Variants in CTNNA2 observed in about 807,000 individuals in gnomAD.
CTNNA2 encodes the protein catenin alpha-2.
CTNNA2 carries 42 observed loss-of-function variants against 101.0 expected under a neutral mutation model. That is an observed-to-expected ratio of 0.42 (90% CI 0.32 to 0.54). The LOEUF (loss-of-function observed/expected upper bound fraction) is 0.54. CTNNA2 is among the 20% of genes least tolerant of loss of function. The pLI, the probability that CTNNA2 is intolerant of heterozygous loss-of-function variation, is 0.14. For synonymous variants in CTNNA2, 450 were observed against 456.4 expected (o/e 0.99, Z 0.18); for missense variants, 871 against 1,223.1 (o/e 0.71, Z 4.29).
chr2:79,766,346 A>G (rs1673154431), intron 3 of CTNNA2, among the ~76,000 whole-genome samples: 1 of 152,232 alleles, frequency 6.6e-6, no homozygotes, highest in Non-Finnish European at 1.5e-5. Flanking sequence ...TAAACATGCC[A>G]TGCCAGTCTC....
At chr2:79,538,617 A>G (rs113474618) in intron 1 of CTNNA2, among the ~76,000 whole-genome samples, 103 of 152,286 alleles carry the variant, frequency 6.8e-4, no homozygotes, top group African/African-American at 2.1e-3. Context: ...GTAACATTCT[A>G]TGGGAATGGA....
At chr2:79,524,095 A>G (rs1672266558) in intron 1 of CTNNA2, among the ~76,000 whole-genome samples, 1 of 152,084 alleles carries the variant, frequency 6.6e-6, no homozygotes, top group South Asian at 2.1e-4. Flanking sequence ...TTTTCAGAAG[A>G]ATATGATAAT....
chr2:79,411,757 G>C (rs551355124), intron 4 of CTNNA2, among the ~76,000 whole-genome samples: 2 of 152,068 alleles, frequency 1.3e-5, no homozygotes, highest in African/African-American at 2.4e-5. Flanking sequence ...ACTAAACATG[G>C]AAAGGAACAA....
chr2:79,366,439 T>C (rs1231529724), intron 3 of CTNNA2, among the ~76,000 whole-genome samples: 3 of 152,172 alleles, frequency 2.0e-5, no homozygotes, highest in Non-Finnish European at 2.9e-5. Context: ...TTTTCCTAAT[T>C]ATGTTCTCTT....
At chr2:79,561,565 T>C (rs1674783678) in intron 1 of CTNNA2, among the ~76,000 whole-genome samples, 1 of 151,972 alleles carries the variant, frequency 6.6e-6, no homozygotes. Context: ...GTATGAAGAT[T>C]CCAGTTTCTC....
chr2:80,500,690 C>G (rs953808329), intron 9 of CTNNA2, among the ~76,000 whole-genome samples: 2 of 152,138 alleles, frequency 1.3e-5, no homozygotes, highest in Admixed American at 1.3e-4. Flanking sequence ...CTCTCCCTCC[C>G]CCTCTTGCTG....
At chr2:80,191,636 G>C (rs1008044087) in intron 7 of CTNNA2, among the ~76,000 whole-genome samples, 1 of 152,184 alleles carries the variant, frequency 6.6e-6, no homozygotes, top group African/African-American at 2.4e-5. Flanking sequence ...AGTTGAGACT[G>C]AGAGAGCAAG....
chr2:80,108,166 A>G (rs1050773897), intron 7 of CTNNA2, among the ~76,000 whole-genome samples: 1 of 152,202 alleles, frequency 6.6e-6, no homozygotes, highest in Non-Finnish European at 1.5e-5. Context: ...TGAAACATCT[A>G]GTAGTGGAAT....
intron 7 of CTNNA2, among the ~76,000 whole-genome samples, chr2:80,322,297 T>A (rs563792483): frequency 3.2e-3 from 489 of 152,292 alleles, no homozygotes; most frequent in Non-Finnish European, 5.2e-3. Context: ...GTGTCTTCCC[T>A]AAGCCCCTCA....
At chr2:80,014,071 C>T (rs1018532505) in intron 7 of CTNNA2, among the ~76,000 whole-genome samples, 1 of 152,092 alleles carries the variant, frequency 6.6e-6, no homozygotes, top group Admixed American at 6.6e-5. Context: ...TAGAAGACAG[C>T]AATATTTATC....
chr2:79,904,462 G>A (rs72918652), intron 6 of CTNNA2, among the ~76,000 whole-genome samples: 1,548 of 152,158 alleles, frequency 0.01, 37 homozygotes, highest in African/African-American at 0.034. Flanking sequence ...TTAAATTTTC[G>A]TTTTAAAGTA....
intron 2 of CTNNA2, among the ~76,000 whole-genome samples, chr2:79,279,322 C>T (rs1174883284): frequency 6.6e-6 from 1 of 151,986 alleles, no homozygotes; most frequent in African/African-American, 2.4e-5. Flanking sequence ...ATTTGTTGCC[C>T]AGTGGGATTG....
At chr2:80,352,610 A>G (rs937197208) in intron 7 of CTNNA2, among the ~76,000 whole-genome samples, 1 of 152,128 alleles carries the variant, frequency 6.6e-6, no homozygotes, top group Non-Finnish European at 1.5e-5. Flanking sequence ...TGCTTCTAAG[A>G]ATTGTAAAGG....
intron 7 of CTNNA2, among the ~76,000 whole-genome samples, chr2:80,333,297 A>G (rs1004781083): frequency 1.3e-5 from 2 of 151,834 alleles, no homozygotes; most frequent in Admixed American, 6.6e-5. Flanking sequence ...CCATTTACTC[A>G]CCTACTTCCA....
At chr2:80,162,799 C>T (rs1246415566) in intron 7 of CTNNA2, 1 of 1,586,438 alleles carries the variant, frequency 6.3e-7, no homozygotes, top group East Asian at 2.2e-5. Context: ...TGTCTCAAAG[C>T]ACTGTTCATC....
intron 4 of CTNNA2, among the ~76,000 whole-genome samples, chr2:79,462,752 A>G (rs577367925): frequency 2.6e-5 from 4 of 152,348 alleles, no homozygotes; most frequent in Admixed American, 2.0e-4. Flanking sequence ...GTAGAACTCA[A>G]TAAACGTATT....
intron 4 of CTNNA2, among the ~76,000 whole-genome samples, chr2:79,376,451 G>GGTT (rs1553406729): frequency 0.017 from 2,460 of 148,936 alleles, 59 homozygotes; most frequent in African/African-American, 0.048. Flanking sequence ...TTGTTGGTTG[G>GGTT]TTTTGTTTTT....
At chr2:80,412,402 C>G (rs1388309622) in intron 8 of CTNNA2, among the ~76,000 whole-genome samples, 1 of 152,162 alleles carries the variant, frequency 6.6e-6, no homozygotes, top group African/African-American at 2.4e-5. Flanking sequence ...TAAATTACAG[C>G]TGTGATTTTC....
At chr2:80,056,791 C>A (rs1051452005) in intron 7 of CTNNA2, among the ~76,000 whole-genome samples, 1 of 152,190 alleles carries the variant, frequency 6.6e-6, no homozygotes, top group Non-Finnish European at 1.5e-5. Context: ...TCAGAACTCC[C>A]ACCCACCATG....
Sources: allele counts gnomAD v4.1 joint callset (sites outside exome capture counted in the v4.1 genomes callset), GRCh38; gene constraint gnomAD v4.1.1; transcripts MANE v1.5; gene names NCBI Gene and HGNC (gene_info 2026-07-23, HGNC 2026-07-21).